SNX32: variants seen among roughly 807,000 people sequenced by gnomAD.
SNX32 encodes the protein sorting nexin-32.
In SNX32, 58 loss-of-function variants were observed where a neutral mutation model predicts 57.0. That is an observed-to-expected ratio of 1.02 (90% confidence interval 0.82 to 1.27). SNX32 has a LOEUF of 1.27. SNX32 is among the 50% of genes most tolerant of loss of function. The pLI is 0.00. For missense variants in SNX32, 589 were observed against 541.2 expected (o/e 1.09, Z -0.88); for synonymous variants, 262 against 220.4 (o/e 1.19, Z -1.67).
Position 65,842,349 on chromosome 11 carries a change from T to G in SNX32, c.37-7129T>G, listed in dbSNP as rs149312634. On this transcript the variant is annotated intron_variant, in intron 1 of 12. Coordinates refer to ENST00000308342, the MANE Select transcript of SNX32 (RefSeq NM_152760.3). The stretch of plus-strand genomic sequence containing the variant: ...ATAACCCATACCTCACACTGCATAT[T>G]CAAAATGAATTGAAAATCACCGGGC... Among the ~76,000 whole-genome samples, 8 of 152,296 alleles carry G rather than the reference T, an allele frequency of 5.3e-5. No homozygotes were observed. In the East Asian group the frequency reaches 1.5e-3, roughly 29 times the overall value.
rs148906644 is a variant in SNX32, at chr11:65,853,330, C to G, written c.1207C>G (p.Pro403Ala). The G allele has an allele frequency of 6.8e-5, 110 of 1,614,028 alleles. No individual in the cohort carries two copies. Among genetic ancestry groups the G allele is most frequent in the Non-Finnish European group, 8.6e-5 (101 of 1,179,988 alleles). The change falls in exon 13 of 13, where the codon CCT becomes GCT. Residue 403 changes from proline to alanine, a missense_variant. Pro to Ala is a conservative substitution (Grantham distance 27). Transcript: ENST00000308342. ...CACCCTTGTTGCCCTAAAGGGGGAGCCTTAGAGTAGCCAGAGCTCAGCCAG... is the reference window on the plus strand; with the variant it reads ...CACCCTTGTTGCCCTAAAGGGGGAGGCTTAGAGTAGCCAGAGCTCAGCCAG... ...RNTLVALKGEP is the reference protein window; with the variant it reads ...RNTLVALKGEA
rs566572862 is a variant in SNX32 at position 65,852,826 on chromosome 11, A to ATGCCC, written c.1073-36_1073-32dup. ...GCCCCCAGCCCCAGCCTGGGGCCAC[A>ATGCCC]TGCCCTGCCCTGCCCGGATCCCCAT... On this transcript the variant is annotated intron_variant, in intron 11 of 12. Transcript: ENST00000308342. 7.5e-4 allele frequency: 1,204 copies of ATGCCC among 1,612,044 alleles called. 7 individuals are homozygous for ATGCCC. In the African/African-American group the frequency reaches 0.012, roughly 16 times the overall value.
At chr11:65,845,211 G>A (rs531059752) in intron 1 of SNX32, among the ~76,000 whole-genome samples, 110 of 151,476 alleles carry the variant, frequency 7.3e-4, no homozygotes, top group African/African-American at 2.4e-3. Context: ...AGGCCGAGGC[G>A]GGCGGATCAT....
At position 65,849,976 on chromosome 11, in the gene SNX32, G is replaced by A. The variant is rs1300821093; in HGVS notation, c.198G>A (p.Glu66=). The change falls in exon 3 of 13, where the codon GAG becomes GAA. Residue 66 remains glutamate, a synonymous_variant. Transcript: ENST00000308342. ...TCTCAGTCGTGCGGCAGCACGAGGA[G>A]TTCATCTGGCTGCATGATGCCTACG... The part of the protein sequence containing the change: ...TEFSVVRQHE[E]FIWLHDAYVE... 1.2e-6 allele frequency: 2 copies of A among 1,610,014 alleles called. No homozygotes were observed. The highest frequency in any genetic ancestry group is 1.7e-6 in the Non-Finnish European group (2 of 1,176,888).
Position 65,851,631 on chromosome 11 carries a change from G to C in SNX32, c.786-9G>C, listed in dbSNP as rs751660963. 2 of 1,614,006 alleles carry C rather than the reference G, an allele frequency of 1.2e-6. No homozygotes were observed. The highest frequency in any genetic ancestry group is 1.7e-6 in the Non-Finnish European group (2 of 1,179,948). On this transcript the variant is annotated splice_polypyrimidine_tract_variant and intron_variant, in intron 8 of 12. Coordinates refer to ENST00000308342, the MANE Select transcript of SNX32 (RefSeq NM_152760.3). ...CCCCTACCCTAACTCCCTCCCTACT[G>C]CTTCCTAGGAGCTTCCTCAAATTGG...
chr11:65,842,641 A>G (rs1858872033), intron 1 of SNX32, among the ~76,000 whole-genome samples: 1 of 151,768 alleles, frequency 6.6e-6, no homozygotes, highest in South Asian at 2.1e-4. Context: ...TGACAAAGCA[A>G]GACTCCATCT....
rs763973559 is a variant in SNX32, at chr11:65,852,571, C to T, written c.912+20C>T. 1 of 1,614,060 alleles carries T rather than the reference C, an allele frequency of 6.2e-7. No homozygotes were observed. The highest frequency in any genetic ancestry group is 8.5e-7 in the Non-Finnish European group (1 of 1,179,980). ...GCCAAGGTGAGAGGCAGCCCCAGCG[C>T]AGCGCTCAGGCCCGGATGCCAGGAC... On this transcript the variant is annotated intron_variant, in intron 10 of 12. Transcript: ENST00000308342.
chr11:65,851,585 G>C (rs2134701072), intron 8 of SNX32, 55 bp from the exon 9 acceptor site: 2 of 1,598,076 alleles, frequency 1.3e-6, no homozygotes, highest in East Asian at 2.2e-5. Context: ...GAGACAGAGA[G>C]GCTTTGAGCT....
intron 1 of SNX32, among the ~76,000 whole-genome samples, chr11:65,839,293 G>A (rs1858768925): frequency 8.7e-6 from 1 of 115,180 alleles, no homozygotes; most frequent in Non-Finnish European, 1.7e-5. Flanking sequence ...GCAGTGGCGG[G>A]ATCTCGGCTC....
At position 65,852,874 on chromosome 11, in the gene SNX32, G is replaced by A. The variant is rs750841685; in HGVS notation, c.1074G>A (p.Glu358=). 1.9e-6 allele frequency: 3 copies of A among 1,614,118 alleles called. No individual in the cohort carries two copies. The highest frequency in any genetic ancestry group is 1.1e-5 in the South Asian group (1 of 91,080). The stretch of plus-strand genomic sequence containing the variant: ...CATGCCTCTTCCCCTCCTCTCCAGA[G>A]CTCATGGACTTCAAGTCCCGCCGGG... The part of the protein sequence containing the change: ...FERLSDSAKQ[E]LMDFKSRRVS... The change falls in exon 12 of 13, where the codon GAG becomes GAA. Residue 358 remains glutamate, a splice_region_variant and synonymous_variant. Transcript: ENST00000308342.
intron 1 of SNX32, among the ~76,000 whole-genome samples, chr11:65,835,092 G>A (rs972406102): frequency 2.6e-5 from 4 of 151,376 alleles, no homozygotes; most frequent in Non-Finnish European, 4.4e-5. Context: ...TGTTTGTCTC[G>A]TGTGTCTGTG....
chr11:65,850,461 T>A lies in SNX32; in HGVS notation c.405T>A (p.Val135=), dbSNP rs765624711. Reference sequence around the variant, plus strand: ...ACCTGGCCATCTTTAAGAAGACAGTTGCGATGCACGAAGTCTTTCTGCAGC... The same window carrying A: ...ACCTGGCCATCTTTAAGAAGACAGTAGCGATGCACGAAGTCTTTCTGCAGC... ...AEYLAIFKKT[V]AMHEVFLQRL... Residue 135 remains valine (V), a synonymous_variant, in exon 5 of 13, where the codon GTT becomes GTA. Transcript: ENST00000308342. 1 of 1,614,198 alleles carries A rather than the reference T, an allele frequency of 6.2e-7. No homozygotes were observed. The highest frequency in any genetic ancestry group is 1.1e-5 in the South Asian group (1 of 91,084).
rs758605816 is a variant in SNX32 at position 65,849,970 on chromosome 11, C to T, written c.192C>T (p.His64=). 19 of 1,607,246 alleles carry T rather than the reference C, an allele frequency of 1.2e-5. No individual in the cohort carries two copies. Among genetic ancestry groups the T allele is most frequent in the South Asian group, 3.3e-5 (3 of 90,588 alleles). The change falls in exon 3 of 13, where the codon CAC becomes CAT. Residue 64 remains histidine, a synonymous_variant. Transcript: ENST00000308342. The part of the protein sequence containing the change: ...AQTEFSVVRQ[H]EEFIWLHDAY... ...CCGAGTTCTCAGTCGTGCGGCAGCA[C>T]GAGGAGTTCATCTGGCTGCATGATG...
intron 1 of SNX32, among the ~76,000 whole-genome samples, chr11:65,847,432 C>T (rs899785365): frequency 7.2e-5 from 11 of 152,050 alleles, no homozygotes; most frequent in African/African-American, 9.7e-5. Context: ...GCTGTGATGG[C>T]GCCACCAAAC....
At chr11:65,851,294 T>C in intron 7 of SNX32, 34 bp from the exon 8 acceptor site, 1 of 1,612,592 alleles carries the variant, frequency 6.2e-7, no homozygotes, top group Non-Finnish European at 8.5e-7. Context: ...GACATGCAGA[T>C]GTAGGGGCTC....
chr11:65,839,847 A>G (rs1215250664), intron 1 of SNX32, among the ~76,000 whole-genome samples: 9 of 152,202 alleles, frequency 5.9e-5, no homozygotes, highest in South Asian at 2.1e-4. Context: ...AAATCAATCA[A>G]TGAAATTCAG....
At position 65,849,532 on chromosome 11, in the gene SNX32, T is replaced by C. The variant is rs751882745; in HGVS notation, c.91T>C (p.Ser31Pro). The C allele has an allele frequency of 1.4e-5, 23 of 1,614,194 alleles. No homozygotes were observed. In the South Asian group the frequency reaches 2.2e-4, roughly 15 times the overall value. The change falls in exon 2 of 13, where the codon TCT (serine) becomes CCT (proline). Residue 31 changes from serine to proline, a missense_variant. Physicochemically the swap from Ser to Pro is moderately conservative, Grantham distance 74 (BLOSUM62 -1). Coordinates refer to ENST00000308342, the MANE Select transcript of SNX32 (RefSeq NM_152760.3). ...AGACAGCTCCTTACAGGTGGAGATTTCTGACGCAGTGAGTGAGCGGGACAA... is the reference window on the plus strand; with the variant it reads ...AGACAGCTCCTTACAGGTGGAGATTCCTGACGCAGTGAGTGAGCGGGACAA... ...QGDSSLQVEI[S>P]DAVSERDKVK... is the part of the protein sequence containing the mutation.
intron 1 of SNX32, among the ~76,000 whole-genome samples, chr11:65,841,232 CT>C (rs768218175): frequency 2.6e-3 from 356 of 134,654 alleles, no homozygotes; most frequent in East Asian, 0.018. Flanking sequence ...CTCGCCTGGA[CT>C]TTTTTTTTTT....
Position 65,850,235 on chromosome 11 carries a change from G to T in SNX32, c.338G>T (p.Arg113Leu). 1 of 1,614,190 alleles carries T rather than the reference G, an allele frequency of 6.2e-7. No homozygotes were observed. Residue 113 changes from arginine to leucine, a missense_variant, in exon 4 of 13, where the codon CGG (arginine) becomes CTG (leucine). Physicochemically the swap from Arg to Leu is moderately radical, Grantham distance 102. Coordinates refer to ENST00000308342, the MANE Select transcript of SNX32 (RefSeq NM_152760.3). ...KLGEGDSSVT[R>L]EEFAKMKQEL... ...GGCGAGGGGGACAGCTCTGTCACTC[G>T]GGAAGAGTTTGCCAAGATGAAGCAG...
Sources: gnomAD v4.1 joint callset for allele counts (sites outside exome capture counted in the v4.1 genomes callset) on GRCh38, gnomAD v4.1.1 for gene constraint, MANE v1.5 for transcripts, NCBI Gene and HGNC (gene_info 2026-07-23, HGNC 2026-07-21) for gene names.